The following FUT8 variants were observed in gnomAD, a reference collection of about 807,000 sequenced individuals.
FUT8 encodes fucosyltransferase 8.
FUT8 carries 29 observed loss-of-function variants against 71.3 expected under a neutral mutation model. That is an observed-to-expected ratio of 0.41 (90% CI 0.30 to 0.55). FUT8 has a LOEUF of 0.55. Ranked by LOEUF, FUT8 falls within the 20% of genes least tolerant of loss-of-function variation. FUT8 has a pLI of 0.34. For missense variants in FUT8, 544 were observed against 702.1 expected, an observed-to-expected ratio of 0.77 and a Z score of 2.55; for synonymous variants, 254 against 239.3, an observed-to-expected ratio of 1.06 and a Z score of -0.57.
Position 65,669,371 on chromosome 14 carries a change from C to T in FUT8, c.726C>T (p.Ile242=). ...CATATGGCACCCAGCGAACACTCAT[C>T]TTGGAATCTCAGAATTGGCGCTATG... The part of the protein sequence containing the change: ...MIAYGTQRTL[I]LESQNWRYAT... Residue 242 remains isoleucine, a synonymous_variant, in exon 7 of 11, where the codon ATC becomes ATT. Coordinates refer to ENST00000673929, the MANE Select transcript of FUT8 (RefSeq NM_001371533.1). The surrounding 1 kb of genome is among the most constrained non-coding windows in gnomAD (Gnocchi z 4.5). 2 of 1,613,812 alleles carry T rather than the reference C, an allele frequency of 1.2e-6. No homozygotes were observed. The highest frequency in any genetic ancestry group is 1.7e-6 in the Non-Finnish European group (2 of 1,179,836).
intron 2 of FUT8, among the ~76,000 whole-genome samples, chr14:65,531,484 T>A (rs573632980): frequency 1.1e-3 from 174 of 152,066 alleles, no homozygotes; most frequent in African/African-American, 3.8e-3. Flanking sequence ...TAAAAAAAAA[T>A]GAGGAAATGT....
At chr14:65,605,586 A>C (rs530683171) in intron 3 of FUT8, among the ~76,000 whole-genome samples, 6 of 152,094 alleles carry the variant, frequency 3.9e-5, no homozygotes, top group African/African-American at 1.4e-4. Context: ...CAACCCAATG[A>C]GTGAGTCCTC....
At chr14:65,528,500 G>A (rs1218144239) in intron 2 of FUT8, among the ~76,000 whole-genome samples, 2 of 152,182 alleles carry the variant, frequency 1.3e-5, no homozygotes, top group East Asian at 3.9e-4. Context: ...AGCTTCCCAG[G>A]TGAAGCGATG....
Position 65,435,725 on chromosome 14 carries a change from A to G in FUT8, c.-325-19896A>G, listed in dbSNP as rs75943615. 2.9e-3 allele frequency among the ~76,000 whole-genome samples: 440 copies of G among 151,584 alleles called. 3 individuals carry two copies. Among genetic ancestry groups the G allele is most frequent in the African/African-American group, 0.01 (416 of 41,298 alleles). On this transcript the variant is annotated intron_variant, in intron 1 of 10. Coordinates refer to ENST00000673929, the MANE Select transcript of FUT8 (RefSeq NM_001371533.1). ...GTTGTACCATTTTGCATTTCCACCA[A>G]CGATGTTTGAGAGTTCCAGTTGCTC...
chr14:65,622,235 A>G (rs1242633175), intron 5 of FUT8, among the ~76,000 whole-genome samples: 3 of 152,236 alleles, frequency 2.0e-5, no homozygotes, highest in Non-Finnish European at 4.4e-5. Flanking sequence ...CTTAATTGCT[A>G]AATACTTAGC....
At chr14:65,371,992 G>C in the FUT8 span, among the ~76,000 whole-genome samples, 1 of 152,156 alleles carries the variant, frequency 6.6e-6, no homozygotes. Flanking sequence ...AGTTCATAGT[G>C]ATACCTCCAA....
the FUT8 span, among the ~76,000 whole-genome samples, chr14:65,356,920 C>T: frequency 3.9e-5 from 6 of 152,202 alleles, no homozygotes; most frequent in Admixed American, 6.5e-5. This position sits in a 1 kb window ranked among gnomAD's most constrained non-coding sequence, Gnocchi z 4.6. Context: ...GCCTCTTTTC[C>T]GTGCCACCTG....
At chr14:65,556,318 T>C (rs1272672852) in intron 2 of FUT8, among the ~76,000 whole-genome samples, 4 of 152,144 alleles carry the variant, frequency 2.6e-5, no homozygotes, top group Non-Finnish European at 5.9e-5. Flanking sequence ...GCTTGACTGG[T>C]GATGGTGCAT....
chr14:65,545,414 T>G (rs1884932512), intron 2 of FUT8, among the ~76,000 whole-genome samples: 1 of 151,940 alleles, frequency 6.6e-6, no homozygotes, highest in Non-Finnish European at 1.5e-5. Context: ...TTTAAAAGTT[T>G]TATTTATAAT....
At chr14:65,535,013 T>C (rs1398374051) in intron 2 of FUT8, among the ~76,000 whole-genome samples, 1 of 151,326 alleles carries the variant, frequency 6.6e-6, no homozygotes, top group Non-Finnish European at 1.5e-5. Context: ...GATATTAGGT[T>C]GTTAAATTGA....
At chr14:65,504,902 A>G (rs1338279965) in intron 2 of FUT8, among the ~76,000 whole-genome samples, 1 of 152,192 alleles carries the variant, frequency 6.6e-6, no homozygotes, top group Admixed American at 6.5e-5. Context: ...AGATTGTGCC[A>G]TTGCACGCCG....
intron 7 of FUT8, among the ~76,000 whole-genome samples, chr14:65,681,485 A>G (rs1423648884): frequency 6.6e-6 from 1 of 152,190 alleles, no homozygotes; most frequent in Non-Finnish European, 1.5e-5. Flanking sequence ...GCCTTCATAT[A>G]TTTGCATTGG....
chr14:65,377,854 T>C, the FUT8 span, among the ~76,000 whole-genome samples: 11 of 151,784 alleles, frequency 7.2e-5, no homozygotes, highest in African/African-American at 2.7e-4. Flanking sequence ...TTCAAAGAAG[T>C]TGGAAATTTT....
intron 6 of FUT8, among the ~76,000 whole-genome samples, chr14:65,667,782 G>C (rs2140367624): frequency 6.6e-6 from 1 of 152,230 alleles, no homozygotes; most frequent in South Asian, 2.1e-4. Context: ...TATACTGCAA[G>C]GCTGCAGTAA....
At chr14:65,640,949 A>T (rs950346861) in intron 6 of FUT8, among the ~76,000 whole-genome samples, 4 of 152,094 alleles carry the variant, frequency 2.6e-5, no homozygotes, top group African/African-American at 9.7e-5. Context: ...GATGACTTAA[A>T]CTCAAGGGTA....
intron 6 of FUT8, among the ~76,000 whole-genome samples, chr14:65,633,004 T>TCCCCCCACC (rs1157614092): frequency 1.5e-4 from 12 of 78,070 alleles, no homozygotes; most frequent in African/African-American, 5.3e-4. Flanking sequence ...CCCTCTCCCC[T>TCCCCCCACC]CCCCCCCCCC....
intron 7 of FUT8, among the ~76,000 whole-genome samples, chr14:65,718,533 G>GT (rs1335657254): frequency 1.3e-5 from 2 of 152,100 alleles, no homozygotes; most frequent in African/African-American, 2.4e-5. Flanking sequence ...AAATTATGTG[G>GT]TTTTTTGTAT....
At chr14:65,571,109 G>A (rs1289188472) in intron 3 of FUT8, among the ~76,000 whole-genome samples, 1 of 152,148 alleles carries the variant, frequency 6.6e-6, no homozygotes, top group African/African-American at 2.4e-5. Flanking sequence ...TGCTGGATTC[G>A]TGAATCGTTC....
At chr14:65,430,990 AT>A (rs5809273) in intron 1 of FUT8, among the ~76,000 whole-genome samples, 7,924 of 127,006 alleles carry the variant, frequency 0.062, 146 homozygotes, top group Admixed American at 0.093. Flanking sequence ...TTTTCTACTA[AT>A]TTTTTTTTTT....
Sources: allele counts gnomAD v4.1 joint callset (sites outside exome capture counted in the v4.1 genomes callset), GRCh38; gene constraint gnomAD v4.1.1; non-coding constraint Gnocchi (gnomAD v3.1); transcripts MANE v1.5; gene names NCBI Gene and HGNC (gene_info 2026-07-23, HGNC 2026-07-21).